LSM14A: variants seen among roughly 807,000 people sequenced by gnomAD.
LSM14A encodes the protein protein LSM14 homolog A.
In LSM14A, 14 loss-of-function variants were observed where a neutral mutation model predicts 52.4. The observed-to-expected ratio is 0.27, with a 90% CI of 0.18 to 0.42. The LOEUF is 0.42. LSM14A is among the 10% of genes least tolerant of loss of function. The pLI is 1.00. For missense variants in LSM14A, 417 were observed against 581.8 expected (o/e 0.72, Z 2.91); for synonymous variants, 185 against 200.3 (o/e 0.92, Z 0.64).
Position 34,172,564 on chromosome 19 carries a change from CGAGCGGGCGTGCG to C in LSM14A, c.-69_-57del. ...GCGGCTGCTGTAGGCGCCGACGGAG[CGAGCGGGCGTGCG>C]GAGCGGGCGACAGTGGCGTGGGATC... On this transcript the variant is annotated 5_prime_UTR_variant, in exon 1 of 10. Transcript: ENST00000544216. 1 of 1,418,264 alleles carries C rather than the reference CGAGCGGGCGTGCG, an allele frequency of 7.1e-7. No homozygotes were observed. Among genetic ancestry groups the C allele is most frequent in the South Asian group, 1.5e-5 (1 of 66,558 alleles). The allele number at this position is 1,418,264 out of a possible 1,614,324, so 87.9% of individuals were successfully genotyped here.
intron 9 of LSM14A, chr19:34,226,604 T>A: frequency 1.5e-6 from 1 of 687,772 alleles, no homozygotes; most frequent in Non-Finnish European, 2.3e-6. Context: ...GTTTTGGTGT[T>A]GTATACACAG....
intron 3 of LSM14A, among the ~76,000 whole-genome samples, chr19:34,205,384 G>T (rs753498432): frequency 6.6e-6 from 1 of 150,534 alleles, no homozygotes; most frequent in Non-Finnish European, 1.5e-5. Flanking sequence ...TACTCAGGAG[G>T]CTGAGGCAGG....
At position 34,221,570 on chromosome 19, in the gene LSM14A, T is replaced by G. The variant is rs1568502087; in HGVS notation, c.1200T>G (p.Leu400=). The change falls in exon 9 of 10, where the codon CTT becomes CTG. Residue 400 remains leucine (L), a synonymous_variant. Coordinates refer to ENST00000544216, the MANE Select transcript of LSM14A (RefSeq NM_015578.4). ...ATGCTGAAACATTTGGAATCCCACT[T>G]CGTCCAAACCGTGGCCGTGGGGGAT... The part of the protein sequence containing the change: ...RLNAETFGIP[L]RPNRGRGGYR... The G allele has an allele frequency of 5.0e-6, 8 of 1,614,170 alleles. No individual in the cohort carries two copies. The South Asian group carries it at 6.6e-5, about 13-fold the overall frequency.
intron 1 of LSM14A, among the ~76,000 whole-genome samples, chr19:34,179,540 G>T (rs1304046053): frequency 6.6e-6 from 1 of 152,102 alleles, no homozygotes; most frequent in Non-Finnish European, 1.5e-5. Flanking sequence ...GTTTATTATT[G>T]TTACATAGTC....
At chr19:34,221,081 C>CTTTTT (rs34608536) in intron 8 of LSM14A, among the ~76,000 whole-genome samples, 2 of 124,852 alleles carry the variant, frequency 1.6e-5, no homozygotes, top group Admixed American at 8.4e-5. Flanking sequence ...AGATAAGATG[C>CTTTTT]TTTTTTTTTT....
At chr19:34,188,567 T>C (rs905250125) in intron 1 of LSM14A, among the ~76,000 whole-genome samples, 2 of 152,234 alleles carry the variant, frequency 1.3e-5, no homozygotes, top group African/African-American at 4.8e-5. Context: ...TTCAAAACTT[T>C]CCATCATCCT....
chr19:34,180,464 G>A (rs970855105), intron 1 of LSM14A, among the ~76,000 whole-genome samples: 1 of 152,130 alleles, frequency 6.6e-6, no homozygotes, highest in Non-Finnish European at 1.5e-5. Context: ...GAGTCATTCT[G>A]ATAATTAAAT....
intron 9 of LSM14A, 132 bp downstream of exon 9, chr19:34,221,870 A>G: frequency 1.4e-6 from 2 of 1,439,428 alleles, no homozygotes; most frequent in Non-Finnish European, 1.8e-6. Flanking sequence ...ACTTTTCAGT[A>G]GAGGATATAC....
chr19:34,176,514 G>A (rs1329879020), intron 1 of LSM14A, among the ~76,000 whole-genome samples: 1 of 152,020 alleles, frequency 6.6e-6, no homozygotes, highest in Non-Finnish European at 1.5e-5. Flanking sequence ...GACATTTATA[G>A]TTTTACCATA....
At chr19:34,200,810 T>A (rs886607023) in intron 3 of LSM14A, among the ~76,000 whole-genome samples, 2 of 152,212 alleles carry the variant, frequency 1.3e-5, no homozygotes, top group African/African-American at 4.8e-5. Context: ...AACTGTAACT[T>A]AGAATCCTTT....
chr19:34,217,024 C>T (rs1353906200), intron 6 of LSM14A, among the ~76,000 whole-genome samples: 7 of 152,018 alleles, frequency 4.6e-5, no homozygotes, highest in Non-Finnish European at 7.4e-5. Context: ...CACTTTGGGA[C>T]GCCGAGGCGG....
chr19:34,202,053 T>A (rs1392778502), intron 3 of LSM14A, among the ~76,000 whole-genome samples: 1 of 151,626 alleles, frequency 6.6e-6, no homozygotes, highest in Admixed American at 6.6e-5. Context: ...AACTCCTGGG[T>A]TCAGTCTGCC....
intron 4 of LSM14A, 114 bp downstream of exon 4, chr19:34,209,165 C>A: frequency 1.1e-6 from 1 of 910,124 alleles, no homozygotes; most frequent in Non-Finnish European, 1.6e-6. Flanking sequence ...TTCTATTTGG[C>A]TCTTTTAAAA....
intron 8 of LSM14A, among the ~76,000 whole-genome samples, chr19:34,220,348 T>C (rs481218): frequency 1.3e-3 from 191 of 152,310 alleles, no homozygotes; most frequent in African/African-American, 4.4e-3. Context: ...ACCATATACT[T>C]TTGTTTAAGG....
intron 3 of LSM14A, among the ~76,000 whole-genome samples, chr19:34,207,092 CT>C (rs775158154): frequency 2.0e-4 from 31 of 152,154 alleles, no homozygotes; most frequent in Non-Finnish European, 3.7e-4. Flanking sequence ...AACTTGACCC[CT>C]GGCTTAAACT....
At chr19:34,177,073 A>G (rs891842732) in intron 1 of LSM14A, among the ~76,000 whole-genome samples, 26 of 152,226 alleles carry the variant, frequency 1.7e-4, no homozygotes, top group Non-Finnish European at 3.2e-4. Flanking sequence ...TTTTCATAAA[A>G]TGCCTTTGAA....
At chr19:34,212,046 C>T (rs986924000) in intron 4 of LSM14A, among the ~76,000 whole-genome samples, 3 of 152,022 alleles carry the variant, frequency 2.0e-5, no homozygotes, top group Non-Finnish European at 4.4e-5. Flanking sequence ...GAAACAGATC[C>T]GAGTATAAAT....
At chr19:34,226,799 T>C (rs1269975418) in intron 9 of LSM14A, among the ~76,000 whole-genome samples, 2 of 152,214 alleles carry the variant, frequency 1.3e-5, no homozygotes, top group Admixed American at 6.5e-5. Context: ...TATTGCTTCC[T>C]CACTGGTTAC....
chr19:34,176,637 A>G (rs1414867565), intron 1 of LSM14A, among the ~76,000 whole-genome samples: 1 of 152,210 alleles, frequency 6.6e-6, no homozygotes, highest in Non-Finnish European at 1.5e-5. Flanking sequence ...ATAATATTCC[A>G]TCATGAATAT....
Sources: allele counts gnomAD v4.1 joint callset (sites outside exome capture counted in the v4.1 genomes callset), GRCh38; gene constraint gnomAD v4.1.1; transcripts MANE v1.5; gene names NCBI Gene and HGNC (gene_info 2026-07-23, HGNC 2026-07-21).